Variants in HCN4 observed in about 807,000 individuals in gnomAD.
HCN4 encodes the protein potassium/sodium hyperpolarization-activated cyclic nucleotide-gated channel 4.
A neutral mutation model predicts 76.9 loss-of-function variants in HCN4; 29 were observed. The ratio of observed to expected loss-of-function variants is 0.38; its 90% CI spans 0.28 to 0.51. The LOEUF (loss-of-function observed/expected upper bound fraction) is 0.51, where lower values mean the gene tolerates loss of function less well. Ranked by LOEUF, HCN4 falls within the 20% of genes least tolerant of loss-of-function variation. HCN4 has a pLI of 0.90. For synonymous variants in HCN4, 772 were observed against 762.5 expected (o/e 1.01, Z -0.21); for missense variants, 1,416 against 1,715.2 (o/e 0.83, Z 3.08).
Position 73,319,948 on chromosome 15 carries a change from G to GTGAC in HCN4, c.*2529_*2532dup, listed in dbSNP as rs2042846359. 6.6e-6 allele frequency: 1 copy of GTGAC among 152,212 alleles called. No individual in the cohort carries two copies. Among genetic ancestry groups the GTGAC allele is most frequent in the African/African-American group, 2.4e-5 (1 of 41,442 alleles). The allele number at this position is 152,212 out of a possible 1,614,324, so 9.4% of individuals were successfully genotyped here. Reference sequence around the variant, plus strand: ...AAGTGGATTTGAAAATTCCTTGTAGGTGACTGGGTGTGGGAGGGCCCATTG... The same window carrying GTGAC: ...AAGTGGATTTGAAAATTCCTTGTAGGTGACTGACTGGGTGTGGGAGGGCCCATTG... On this transcript the variant is annotated 3_prime_UTR_variant, in exon 8 of 8. Coordinates refer to ENST00000261917, the MANE Select transcript of HCN4 (RefSeq NM_005477.3).
intron 1 of HCN4, among the ~76,000 whole-genome samples, chr15:73,344,453 C>A (rs941167115): frequency 1.3e-5 from 2 of 152,214 alleles, no homozygotes; most frequent in Admixed American, 1.3e-4. Flanking sequence ...GGTTCTCTGG[C>A]ATCCACCTTT....
At position 73,322,334 on chromosome 15, in the gene HCN4, T is replaced by C; in HGVS notation, c.*147A>G. On this transcript the variant is annotated 3_prime_UTR_variant, in exon 8 of 8. Coordinates refer to ENST00000261917, the MANE Select transcript of HCN4 (RefSeq NM_005477.3). ...AATCTATAGCTCTAAGAATACCTGG[T>C]TATTTTCTGCTGTCTTTTGTTTTTC... is the stretch of plus-strand genomic sequence containing the variant. 1 of 751,518 alleles carries C rather than the reference T, an allele frequency of 1.3e-6. No individual in the cohort carries two copies. The highest frequency in any genetic ancestry group is 2.8e-5 in the East Asian group (1 of 35,402). 46.6% of individuals were successfully genotyped at this position (751,518 alleles called of 1,614,324 possible).
chr15:73,360,653 G>C (rs779095954), intron 1 of HCN4, among the ~76,000 whole-genome samples: 1 of 151,822 alleles, frequency 6.6e-6, no homozygotes, highest in Non-Finnish European at 1.5e-5. Flanking sequence ...TCCTTTCCTC[G>C]TCGGAGGCTT....
At chr15:73,331,501 C>T (rs1488569975) in intron 3 of HCN4, among the ~76,000 whole-genome samples, 1 of 152,174 alleles carries the variant, frequency 6.6e-6, no homozygotes, top group African/African-American at 2.4e-5. Flanking sequence ...CCTTTTGAGA[C>T]AGGATCTTGC....
Position 73,343,468 on chromosome 15 carries a change from T to C in HCN4, c.1126A>G (p.Ile376Val), listed in dbSNP as rs1376080541. The C allele has an allele frequency of 1.9e-6, 3 of 1,614,066 alleles. No homozygotes were observed. Among genetic ancestry groups the C allele is most frequent in the Non-Finnish European group, 2.5e-6 (3 of 1,180,022 alleles). ...CTGAGGATCTTCGTGAAGCGGACAA[T>C]GCGCAGGGCCCGGGCAGTCTTGTAG... Reference protein sequence around the residue: ...EVYKTARALRIVRFTKILSLL... With the variant: ...EVYKTARALRVVRFTKILSLL... The change falls in exon 2 of 8, where the codon ATT becomes GTT. Residue 376 changes from isoleucine (I) to valine (V), a missense_variant. Ile to Val is a conservative substitution (Grantham distance 29). Around this residue, in one of 6 missense-constraint regions of HCN4, gnomAD observed 112 missense variants for 259.9 expected, o/e 0.43. Coordinates refer to ENST00000261917, the MANE Select transcript of HCN4 (RefSeq NM_005477.3). This position sits in a 1 kb window ranked among gnomAD's most constrained non-coding sequence, Gnocchi z 5.7.
At chr15:73,340,209 G>A (rs188530993) in intron 2 of HCN4, among the ~76,000 whole-genome samples, 6 of 152,156 alleles carry the variant, frequency 3.9e-5, no homozygotes, top group East Asian at 1.9e-4. Context: ...ATGTGGGGAC[G>A]TGAAAGACAA....
intron 1 of HCN4, among the ~76,000 whole-genome samples, chr15:73,344,792 G>A (rs525964): frequency 0.07 from 10,636 of 152,056 alleles, 736 homozygotes; most frequent in African/African-American, 0.18. Context: ...ACCAAGCAGG[G>A]GGCCTTCTGG....
chr15:73,346,924 C>G (rs1288802258), intron 1 of HCN4, among the ~76,000 whole-genome samples: 4 of 152,128 alleles, frequency 2.6e-5, no homozygotes, highest in African/African-American at 9.7e-5. Flanking sequence ...GGACAGCGCC[C>G]AGCACACCTG....
chr15:73,356,535 G>GGCA (rs1474971879), intron 1 of HCN4, among the ~76,000 whole-genome samples: 35 of 151,910 alleles, frequency 2.3e-4, no homozygotes, highest in African/African-American at 8.2e-4. Context: ...TCTTAAGGCA[G>GGCA]GCAGCATTGG....
At chr15:73,326,365 G>T (rs2042899438) in intron 4 of HCN4, among the ~76,000 whole-genome samples, 1 of 152,200 alleles carries the variant, frequency 6.6e-6, no homozygotes, top group African/African-American at 2.4e-5. Context: ...GCAAATGAGG[G>T]CTGAGAAATG....
chr15:73,334,994 G>A (rs2042954643), intron 2 of HCN4, among the ~76,000 whole-genome samples: 1 of 152,014 alleles, frequency 6.6e-6, no homozygotes, highest in Non-Finnish European at 1.5e-5. Flanking sequence ...AGACCAGACA[G>A]AGACGATCTC....
intron 1 of HCN4, among the ~76,000 whole-genome samples, chr15:73,360,218 A>C (rs907300527): frequency 6.6e-6 from 1 of 152,242 alleles, no homozygotes; most frequent in Non-Finnish European, 1.5e-5. Flanking sequence ...CCATTCAGGA[A>C]AAGCCTTCCC....
At position 73,367,438 on chromosome 15, in the gene HCN4, C is replaced by T; in HGVS notation, c.785+48G>A. On this transcript the variant is annotated intron_variant, in intron 1 of 7. Coordinates refer to ENST00000261917, the MANE Select transcript of HCN4 (RefSeq NM_005477.3). This position sits in a 1 kb window ranked among gnomAD's most constrained non-coding sequence, Gnocchi z 7.5. ...GGAGGCAGGGTCAGGAGGAGGCATG[C>T]CTGCCACCGCGCAGGGCACCCACAG... is the stretch of plus-strand genomic sequence containing the variant. 1 of 1,610,764 alleles carries T rather than the reference C, an allele frequency of 6.2e-7. No individual in the cohort carries two copies. The highest frequency in any genetic ancestry group is 8.5e-7 in the Non-Finnish European group (1 of 1,179,398).
chr15:73,328,791 G>C lies in HCN4; in HGVS notation c.1590+782C>G, dbSNP rs192481972. Among the ~76,000 whole-genome samples the C allele has an allele frequency of 2.0e-5, 3 of 152,310 alleles. No individual in the cohort carries two copies. In the East Asian group the frequency reaches 5.8e-4, roughly 29 times the overall value. Reference sequence around the variant, plus strand: ...CCAGGGAGAGATGAAGCTGGGGACGGGGGAAGGTGGTTGGGATGCAGAGAA... The same window carrying C: ...CCAGGGAGAGATGAAGCTGGGGACGCGGGAAGGTGGTTGGGATGCAGAGAA... On this transcript the variant is annotated intron_variant, in intron 4 of 7. Transcript: ENST00000261917. This position sits in a 1 kb window ranked among gnomAD's most constrained non-coding sequence, Gnocchi z 4.0.
In HCN4 at chr15:73,327,446, C is replaced by A. The variant is rs1186515463; in HGVS notation, c.1591-2002G>T. On this transcript the variant is annotated intron_variant, in intron 4 of 7. Transcript: ENST00000261917. ...TTTCTAAACTAATCCCTGATCTTGA[C>A]CCCAGACTAAAACCTAGCCTTGATC... 5.3e-5 allele frequency among the ~76,000 whole-genome samples: 8 copies of A among 152,020 alleles called. 1 individual carries two copies. The highest frequency in any genetic ancestry group is 1.2e-4 in the Non-Finnish European group (8 of 68,010).
At chr15:73,346,612 C>T (rs1218355685) in intron 1 of HCN4, among the ~76,000 whole-genome samples, 1 of 152,150 alleles carries the variant, frequency 6.6e-6, no homozygotes, top group Non-Finnish European at 1.5e-5. Context: ...CAGATGCCCT[C>T]ACCTCCAGAG....
rs747259050 is a variant in HCN4, at chr15:73,322,724, C to T, written c.3369G>A (p.Gly1123=). ...MAAFPLFPRA[G]GGSGGSGSSG... ...TGCTCCCACTGCCCCCGCTGCCACC[C>T]CCAGCCCTGGGGAAGAGCGGGAAGG... Residue 1123 remains glycine, a synonymous_variant, in exon 8 of 8, where the codon GGG becomes GGA. Coordinates refer to ENST00000261917, the MANE Select transcript of HCN4 (RefSeq NM_005477.3). 5 of 1,564,518 alleles carry T rather than the reference C, an allele frequency of 3.2e-6. No individual in the cohort carries two copies. Among genetic ancestry groups the T allele is most frequent in the South Asian group, 1.2e-5 (1 of 85,428 alleles).
In HCN4 at chr15:73,322,898, G is replaced by T. The variant is rs4493011; in HGVS notation, c.3195C>A (p.Val1065=). The T allele has an allele frequency of 6.5e-5, 93 of 1,426,520 alleles. 3 individuals carry two copies. In the South Asian group the frequency reaches 1.3e-3, roughly 19 times the overall value. The allele number at this position is 1,426,520 out of a possible 1,614,324, so 88.4% of individuals were successfully genotyped here. The change falls in exon 8 of 8, where the codon GTC becomes GTA. Residue 1065 remains valine (V), a synonymous_variant. Coordinates refer to ENST00000261917, the MANE Select transcript of HCN4 (RefSeq NM_005477.3). ...GCGGGGGTGTGCCCCGGCGCTGGGG[G>T]ACCTGGGGTGGTGGGGGGCTGGATG... ...PPASSPPPPQ[V]PQRRGTPPLT... is the part of the protein sequence containing the mutation.
intron 1 of HCN4, among the ~76,000 whole-genome samples, chr15:73,353,010 ATG>A (rs2043061721): frequency 1.3e-5 from 2 of 150,670 alleles, no homozygotes; most frequent in African/African-American, 2.4e-5. Flanking sequence ...GGACAGATGG[ATG>A]GATGGATGGA....
Sources: gnomAD v4.1 joint callset for allele counts (sites outside exome capture counted in the v4.1 genomes callset) on GRCh38, gnomAD v4.1.1 for gene constraint, gnomAD v4.1.1 regional missense constraint, Gnocchi (gnomAD v3.1) non-coding constraint, MANE v1.5 for transcripts, NCBI Gene and HGNC (gene_info 2026-07-23, HGNC 2026-07-21) for gene names.